The following CSMD1 variants were observed in gnomAD, a reference collection of about 807,000 sequenced individuals.
CSMD1 encodes the protein CUB and sushi domain-containing protein 1.
CSMD1 carries 213 observed loss-of-function variants against 417.5 expected under a neutral mutation model. That is an observed-to-expected ratio of 0.51 (90% CI 0.46 to 0.57). The LOEUF (loss-of-function observed/expected upper bound fraction) is 0.57, where lower values mean the gene tolerates loss of function less well. CSMD1 is among the 20% of genes least tolerant of loss of function. CSMD1 has a pLI of 0.00. For missense variants in CSMD1, 6,923 were observed against 4,529.7 expected, an observed-to-expected ratio of 1.53 and a Z score of -15.17; for synonymous variants, 2,862 against 1,736.8, an observed-to-expected ratio of 1.65 and a Z score of -16.11.
intron 5 of CSMD1, among the ~76,000 whole-genome samples, chr8:3,893,339 T>TTATATATGTA (rs1231999334): frequency 2.5e-5 from 2 of 80,440 alleles, no homozygotes; most frequent in East Asian, 6.7e-4. Flanking sequence ...ATTCACAATT[T>TTATATATGTA]TATATATATA....
At chr8:3,596,401 C>A (rs113747155) in intron 8 of CSMD1, among the ~76,000 whole-genome samples, 39 of 152,254 alleles carry the variant, frequency 2.6e-4, no homozygotes, top group African/African-American at 8.9e-4. Context: ...GGGGCCTCCA[C>A]GATAAGTCAA....
chr8:3,994,447 G>GGAAAAAAAAAAAAAAAAAAAAAA (rs776782494), intron 5 of CSMD1, among the ~76,000 whole-genome samples: 1 of 119,152 alleles, frequency 8.4e-6, no homozygotes, highest in Non-Finnish European at 1.8e-5. Context: ...AATCTCTTCA[G>GGAAAAAAAAAAAAAAAAAAAAAA]AAAAAAAAAA....
At chr8:3,992,847 C>T (rs988905783) in intron 5 of CSMD1, among the ~76,000 whole-genome samples, 3 of 152,246 alleles carry the variant, frequency 2.0e-5, no homozygotes, top group African/African-American at 7.2e-5. Context: ...GGCACTGCAG[C>T]ATTGCTGCGT....
At chr8:3,577,539 G>A (rs575724337) in intron 9 of CSMD1, among the ~76,000 whole-genome samples, 29 of 152,134 alleles carry the variant, frequency 1.9e-4, no homozygotes, top group African/African-American at 6.5e-4. Flanking sequence ...TCAGACCAGA[G>A]ATTTGTGTCT....
Position 4,264,197 on chromosome 8 carries a change from T to C in CSMD1, c.415+155756A>G, listed in dbSNP as rs1454526609. 1.3e-5 allele frequency among the ~76,000 whole-genome samples: 2 copies of C among 152,194 alleles called. 1 individual carries two copies. Among genetic ancestry groups the C allele is most frequent in the Admixed American group, 1.3e-4 (2 of 15,272 alleles). The stretch of plus-strand genomic sequence containing the variant: ...AGCTGTTATGTGGTGATGATGATGA[T>C]TACCAACGTGACTACAATTAATTAT... On this transcript the variant is annotated intron_variant, in intron 3 of 69. Transcript: ENST00000635120.
chr8:3,304,906 A>C (rs562797224), intron 25 of CSMD1, among the ~76,000 whole-genome samples: 1 of 152,180 alleles, frequency 6.6e-6, no homozygotes, highest in Admixed American at 6.5e-5. Context: ...CTAAAAGAAG[A>C]TAAATTATTT....
At chr8:3,893,748 A>C (rs1809251796) in intron 5 of CSMD1, among the ~76,000 whole-genome samples, 1 of 152,108 alleles carries the variant, frequency 6.6e-6, no homozygotes, top group Non-Finnish European at 1.5e-5. Flanking sequence ...TTCGCTTTGT[A>C]ATTGAGCTCA....
At chr8:3,974,945 A>G (rs927994617) in intron 5 of CSMD1, among the ~76,000 whole-genome samples, 4 of 152,202 alleles carry the variant, frequency 2.6e-5, no homozygotes, top group African/African-American at 9.6e-5. Context: ...GAACAAATCA[A>G]AACTAACACC....
At chr8:3,936,683 C>A (rs1477091189) in intron 5 of CSMD1, among the ~76,000 whole-genome samples, 1 of 152,180 alleles carries the variant, frequency 6.6e-6, no homozygotes, top group Non-Finnish European at 1.5e-5. Flanking sequence ...TACCTGGTCA[C>A]ACAAGAGCTC....
intron 1 of CSMD1, among the ~76,000 whole-genome samples, chr8:4,815,833 G>C (rs1457561207): frequency 6.6e-6 from 1 of 151,836 alleles, no homozygotes; most frequent in Non-Finnish European, 1.5e-5. Flanking sequence ...CTAAATGTTG[G>C]CTCCCAAGAA....
intron 3 of CSMD1, among the ~76,000 whole-genome samples, chr8:4,033,412 A>C (rs1173284846): frequency 6.6e-6 from 1 of 152,184 alleles, no homozygotes; most frequent in Non-Finnish European, 1.5e-5. Flanking sequence ...ACTGCACTCC[A>C]GCGTGGGTGA....
intron 2 of CSMD1, among the ~76,000 whole-genome samples, chr8:4,431,506 T>G (rs904600592): frequency 1.3e-5 from 2 of 152,052 alleles, no homozygotes; most frequent in Admixed American, 1.3e-4. Flanking sequence ...AGAGACCAAT[T>G]GCTACTCAGT....
chr8:4,890,241 A>T, intron 1 of CSMD1, among the ~76,000 whole-genome samples: 1 of 152,280 alleles, frequency 6.6e-6, no homozygotes. Context: ...AGACTGAAGC[A>T]GCACGATAGA....
chr8:3,110,267 G>A lies in CSMD1; in HGVS notation c.6499C>T (p.Pro2167Ser), dbSNP rs1428877829. 1 of 1,613,462 alleles carries A rather than the reference G, an allele frequency of 6.2e-7. No homozygotes were observed. The highest frequency in any genetic ancestry group is 8.5e-7 in the Non-Finnish European group (1 of 1,179,646). The change falls in exon 43 of 70, where the codon CCG becomes TCG. Residue 2167 changes from proline to serine, a missense_variant. Coordinates refer to ENST00000635120, the MANE Select transcript of CSMD1 (RefSeq NM_033225.6). Reference protein sequence around the residue: ...IYSPGFPDEYPILKDCIWLIT... With the variant: ...IYSPGFPDEYSILKDCIWLIT... ...AGCCAAATGCAGTCCTTCAGGATCGGATACTCATCAGGAAAGCCAGGGGAG... is the reference window on the plus strand; with the variant it reads ...AGCCAAATGCAGTCCTTCAGGATCGAATACTCATCAGGAAAGCCAGGGGAG...
intron 3 of CSMD1, among the ~76,000 whole-genome samples, chr8:4,119,572 G>GCCT (rs1802361740): frequency 8.1e-6 from 1 of 123,456 alleles, no homozygotes; most frequent in African/African-American, 3.1e-5. Flanking sequence ...TAGACCAGAG[G>GCCT]ATAATAGTAG....
At chr8:4,837,981 C>G (rs1166513012) in intron 1 of CSMD1, among the ~76,000 whole-genome samples, 2 of 152,120 alleles carry the variant, frequency 1.3e-5, no homozygotes, top group Admixed American at 6.5e-5. Context: ...GTGAAGCCAG[C>G]AGGGGGCAGC....
At chr8:3,191,852 CT>C (rs1796444414) in intron 33 of CSMD1, among the ~76,000 whole-genome samples, 1 of 152,190 alleles carries the variant, frequency 6.6e-6, no homozygotes, top group African/African-American at 2.4e-5. Flanking sequence ...TATTTAGGTA[CT>C]GTCTCTGGGA....
At chr8:3,617,013 T>C (rs960914376) in intron 7 of CSMD1, among the ~76,000 whole-genome samples, 1 of 152,216 alleles carries the variant, frequency 6.6e-6, no homozygotes, top group Non-Finnish European at 1.5e-5. Flanking sequence ...TGATAATCTT[T>C]GGTTTTATTT....
At chr8:3,904,401 G>A (rs1054209654) in intron 5 of CSMD1, among the ~76,000 whole-genome samples, 2 of 152,044 alleles carry the variant, frequency 1.3e-5, no homozygotes, top group Admixed American at 6.6e-5. Context: ...TTATTGCAAT[G>A]GACCTATGTT....
Sources: allele counts gnomAD v4.1 joint callset (sites outside exome capture counted in the v4.1 genomes callset), GRCh38; gene constraint gnomAD v4.1.1; transcripts MANE v1.5; gene names NCBI Gene and HGNC (gene_info 2026-07-23, HGNC 2026-07-21).